The following PDE4D variants were observed in gnomAD, a reference collection of about 807,000 sequenced individuals.
PDE4D encodes the protein 3',5'-cyclic-AMP phosphodiesterase 4D.
In PDE4D, 24 loss-of-function variants were observed where a neutral mutation model predicts 87.4. The ratio of observed to expected loss-of-function variants is 0.27; its 90% CI spans 0.20 to 0.39. The LOEUF (loss-of-function observed/expected upper bound fraction) is 0.39, where lower values mean the gene tolerates loss of function less well. PDE4D is among the 10% of genes least tolerant of loss of function. The probability of loss-of-function intolerance (pLI) is 1.00; values close to 1 mark genes in which losing one functional copy is unlikely to be tolerated. For missense variants in PDE4D, 714 were observed against 1,041.0 expected (o/e 0.69, Z 4.32); for synonymous variants, 384 against 383.2 (o/e 1.00, Z -0.02).
At chr5:59,347,546 C>T (rs182482719) in intron 1 of PDE4D, among the ~76,000 whole-genome samples, 4 of 152,242 alleles carry the variant, frequency 2.6e-5, no homozygotes, top group African/African-American at 7.2e-5. Flanking sequence ...ATATTTCAAA[C>T]AAAACAAGGT....
intron 1 of PDE4D, among the ~76,000 whole-genome samples, chr5:59,321,701 T>C (rs897005594): frequency 2.6e-5 from 4 of 152,130 alleles, no homozygotes; most frequent in Admixed American, 2.0e-4. Flanking sequence ...CCTGAGTCAC[T>C]GGTCACTGCT....
At chr5:59,385,879 C>T (rs185632222) in intron 1 of PDE4D, among the ~76,000 whole-genome samples, 1 of 152,248 alleles carries the variant, frequency 6.6e-6, no homozygotes, top group South Asian at 2.1e-4. Flanking sequence ...TCTCAGGGAA[C>T]CAGATCTGCA....
rs1448134331 is a variant in PDE4D, at chr5:59,893,306, T to C, written c.317A>G (p.His106Arg). 1 of 1,529,720 alleles carries C rather than the reference T, an allele frequency of 6.5e-7. No homozygotes were observed. The highest frequency in any genetic ancestry group is 8.8e-7 in the Non-Finnish European group (1 of 1,136,998). 94.8% of individuals were successfully genotyped at this position (1,529,720 alleles called of 1,614,324 possible). The change falls in exon 1 of 15, where the codon CAT (histidine) becomes CGT (arginine). Residue 106 changes from histidine (H) to arginine (R), a missense_variant. Coordinates refer to ENST00000340635, the MANE Select transcript of PDE4D (RefSeq NM_001104631.2). ...ASSGATGRVR[H>R]RGYSDTERYL... ...GCGCTCGGTGTCCGAGTAGCCGCGA[T>C]GCCGGACGCGGCCGGTGGCCCCGCT...
At chr5:59,037,836 GA>G (rs55997866) in intron 6 of PDE4D, among the ~76,000 whole-genome samples, 20 of 148,032 alleles carry the variant, frequency 1.4e-4, no homozygotes, top group South Asian at 8.5e-4. Flanking sequence ...TAGAAAGGTA[GA>G]AAAAAAAAAG....
chr5:59,536,044 T>C (rs893821641), intron 1 of PDE4D, among the ~76,000 whole-genome samples: 3 of 152,190 alleles, frequency 2.0e-5, no homozygotes, highest in African/African-American at 7.2e-5. Context: ...TAAAGAATAG[T>C]GTCTGAAATT....
chr5:59,539,989 A>C (rs1030049365), intron 1 of PDE4D, among the ~76,000 whole-genome samples: 4 of 152,210 alleles, frequency 2.6e-5, no homozygotes, highest in African/African-American at 9.6e-5. Flanking sequence ...TCTAGCATAC[A>C]TCAGAGTGTC....
intron 1 of PDE4D, chr5:59,430,345 C>G: frequency 8.1e-7 from 1 of 1,231,282 alleles, no homozygotes; most frequent in African/African-American, 1.6e-5. Flanking sequence ...GTATGGTGAT[C>G]CATGAACATA....
intron 2 of PDE4D, among the ~76,000 whole-genome samples, chr5:60,019,610 T>A (rs1765843293): frequency 6.6e-6 from 1 of 152,324 alleles, no homozygotes; most frequent in Non-Finnish European, 1.5e-5. Flanking sequence ...CCTTTAAACC[T>A]CATGCACCAA....
intron 1 of PDE4D, among the ~76,000 whole-genome samples, chr5:59,714,328 C>T (rs1182771586): frequency 1.3e-5 from 2 of 152,224 alleles, no homozygotes; most frequent in Non-Finnish European, 1.5e-5. Flanking sequence ...CCTGGTCCCA[C>T]TCAGGTGCTT....
In PDE4D at chr5:59,988,584, G is replaced by A. The variant is rs758094437; in HGVS notation, c.176C>T (p.Ala59Val). Residue 59 changes from alanine (A) to valine (V), a missense_variant, in exon 3 of 17, where the codon GCT becomes GTT. Transcript: ENST00000502484. Reference sequence around the variant, plus strand: ...GTTCTCTGATTCACTTTTCAAGTCAGCTTGTTCCAACTGTCTGAAGGCGAG... The same window carrying A: ...GTTCTCTGATTCACTTTTCAAGTCAACTTGTTCCAACTGTCTGAAGGCGAG... 7 of 1,599,290 alleles carry A rather than the reference G, an allele frequency of 4.4e-6. No individual in the cohort carries two copies. Among genetic ancestry groups the A allele is most frequent in the Non-Finnish European group, 5.9e-6 (7 of 1,179,692 alleles).
At chr5:59,108,331 T>G (rs1771978755) in intron 5 of PDE4D, among the ~76,000 whole-genome samples, 1 of 152,204 alleles carries the variant, frequency 6.6e-6, no homozygotes, top group African/African-American at 2.4e-5. Context: ...GTTTCTTCTT[T>G]TTACAAATAA....
chr5:59,909,722 C>A (rs1472481818), intron 3 of PDE4D, among the ~76,000 whole-genome samples: 1 of 152,134 alleles, frequency 6.6e-6, no homozygotes, highest in South Asian at 2.1e-4. Context: ...CACTGTTCTG[C>A]TTTCTTCCTT....
intron 1 of PDE4D, among the ~76,000 whole-genome samples, chr5:60,289,894 G>A (rs552678284): frequency 9.8e-5 from 15 of 152,308 alleles, no homozygotes; most frequent in South Asian, 4.1e-4. Context: ...AATTTTGACA[G>A]CGCATCTTTT....
At chr5:59,289,790 A>G (rs1767670385) in intron 1 of PDE4D, among the ~76,000 whole-genome samples, 1 of 152,058 alleles carries the variant, frequency 6.6e-6, no homozygotes, top group South Asian at 2.1e-4. Context: ...TGAAGATTCC[A>G]CCAAAACACT....
chr5:59,487,328 C>T (rs192291136), intron 1 of PDE4D, among the ~76,000 whole-genome samples: 3 of 152,220 alleles, frequency 2.0e-5, no homozygotes, highest in Non-Finnish European at 4.4e-5. Context: ...GTTGATAGGA[C>T]ATTAACTGCA....
intron 1 of PDE4D, among the ~76,000 whole-genome samples, chr5:59,840,532 G>A (rs1057176684): frequency 3.3e-5 from 5 of 152,032 alleles, no homozygotes; most frequent in Non-Finnish European, 7.4e-5. Context: ...TATGTCTGGT[G>A]TTGGCTGACC....
intron 3 of PDE4D, among the ~76,000 whole-genome samples, chr5:59,926,700 C>T (rs538864618): frequency 2.6e-4 from 39 of 152,098 alleles, no homozygotes; most frequent in South Asian, 8.3e-4. Flanking sequence ...TACATTACAA[C>T]TGATACTGCT....
At position 59,508,590 on chromosome 5, in the gene PDE4D, A is replaced by G. The variant is rs574596127; in HGVS notation, c.456-292622T>C. ...AAAAAATAAACTTGCCTGAGAGACA[A>G]TCAGTGGAATAAACTGCACAGGTAG... On this transcript the variant is annotated intron_variant, in intron 1 of 14. Coordinates refer to ENST00000340635, the MANE Select transcript of PDE4D (RefSeq NM_001104631.2). Among the ~76,000 whole-genome samples the G allele has an allele frequency of 2.0e-5, 3 of 152,252 alleles. No homozygotes were observed. In the East Asian group the frequency reaches 5.8e-4, roughly 29 times the overall value.
chr5:59,745,642 C>T (rs148179841), intron 1 of PDE4D, among the ~76,000 whole-genome samples: 4 of 152,144 alleles, frequency 2.6e-5, no homozygotes, highest in East Asian at 1.9e-4. Flanking sequence ...ACATAAAATA[C>T]GCACCAGGAG....
Sources: gnomAD v4.1 joint callset for allele counts (sites outside exome capture counted in the v4.1 genomes callset) on GRCh38, gnomAD v4.1.1 for gene constraint, MANE v1.5 for transcripts, NCBI Gene and HGNC (gene_info 2026-07-23, HGNC 2026-07-21) for gene names.